Variants in MYO3A observed in about 807,000 individuals in gnomAD.
The protein encoded by MYO3A is myosin IIIA.
A neutral mutation model predicts 192.7 loss-of-function variants in MYO3A; 180 were observed. The ratio of observed to expected loss-of-function variants is 0.93; its 90% CI spans 0.83 to 1.06. The LOEUF (loss-of-function observed/expected upper bound fraction) is 1.06, where lower values mean the gene tolerates loss of function less well. MYO3A is among the 50% of genes least tolerant of loss of function. MYO3A has a pLI of 0.00. For missense variants in MYO3A, 1,896 were observed against 1,905.0 expected, an observed-to-expected ratio of 1.00 and a Z score of 0.09; for synonymous variants, 628 against 645.3, an observed-to-expected ratio of 0.97 and a Z score of 0.41.
chr10:25,947,626 C>T (rs1220253954), intron 2 of MYO3A, among the ~76,000 whole-genome samples: 1 of 152,080 alleles, frequency 6.6e-6, no homozygotes, highest in East Asian at 1.9e-4. Context: ...CTCCCGACCT[C>T]AGGTGATCCA....
Position 26,096,370 on chromosome 10 carries a change from T to A in MYO3A, c.1563-11T>A, listed in dbSNP as rs201464088. The A allele has an allele frequency of 6.4e-7, 1 of 1,559,914 alleles. No homozygotes were observed. The highest frequency in any genetic ancestry group is 1.4e-5 in the African/African-American group (1 of 73,796). On this transcript the variant is annotated splice_polypyrimidine_tract_variant and intron_variant, in intron 15 of 34. Coordinates refer to ENST00000642920, the MANE Select transcript of MYO3A (RefSeq NM_017433.5). ...TACTAACTACCTTACTGTAAATATC[T>A]TTTTTTCCAGTGGAGAAAAAAATTT... is the stretch of plus-strand genomic sequence containing the variant.
intron 31 of MYO3A, among the ~76,000 whole-genome samples, chr10:26,179,158 G>A (rs1273008007): frequency 7.5e-6 from 1 of 133,558 alleles, no homozygotes; most frequent in Non-Finnish European, 1.5e-5. Flanking sequence ...GAGTGCAATG[G>A]CGCGATCTCA....
intron 17 of MYO3A, among the ~76,000 whole-genome samples, chr10:26,097,042 AC>A (rs1564544775): frequency 6.6e-6 from 1 of 151,886 alleles, no homozygotes; most frequent in Non-Finnish European, 1.5e-5. Flanking sequence ...TAATTTCCAT[AC>A]AATATAATTC....
At chr10:26,054,787 C>T (rs1261561232) in intron 10 of MYO3A, among the ~76,000 whole-genome samples, 1 of 152,192 alleles carries the variant, frequency 6.6e-6, no homozygotes, top group Non-Finnish European at 1.5e-5. Context: ...CTGGAAAAGG[C>T]AAAGCAATGA....
intron 4 of MYO3A, among the ~76,000 whole-genome samples, chr10:25,979,859 C>T (rs1839208089): frequency 1.3e-5 from 2 of 152,174 alleles, no homozygotes; most frequent in Admixed American, 1.3e-4. Context: ...AGCAGTTTCA[C>T]AGCCTTGACA....
At chr10:26,111,880 G>A (rs1171278696) in intron 17 of MYO3A, among the ~76,000 whole-genome samples, 1 of 152,146 alleles carries the variant, frequency 6.6e-6, no homozygotes, top group Non-Finnish European at 1.5e-5. Flanking sequence ...TTGTGACCAG[G>A]GGCTGGGCCT....
At chr10:26,112,737 T>C (rs377531139) in intron 17 of MYO3A, among the ~76,000 whole-genome samples, 2 of 152,240 alleles carry the variant, frequency 1.3e-5, no homozygotes, top group African/African-American at 4.8e-5. Context: ...TCCAAAGGAA[T>C]GACAGGCAAA....
Position 26,075,787 on chromosome 10 carries a change from A to G in MYO3A, c.1359+5386A>G, listed in dbSNP as rs12768449. ...TCTCTCTCATATATATATGATATAT[A>G]TGTCTCTCTCATATATATGATATAT... On this transcript the variant is annotated intron_variant, in intron 14 of 34. Coordinates refer to ENST00000642920, the MANE Select transcript of MYO3A (RefSeq NM_017433.5). Among the ~76,000 whole-genome samples the G allele has an allele frequency of 7.5e-5, 11 of 147,180 alleles. No individual in the cohort carries two copies. In the South Asian group the frequency reaches 1.1e-3, roughly 14 times the overall value.
chr10:26,000,912 C>G (rs756064162), intron 6 of MYO3A, among the ~76,000 whole-genome samples: 1 of 152,146 alleles, frequency 6.6e-6, no homozygotes, highest in African/African-American at 2.4e-5. Flanking sequence ...AGGAAACTTA[C>G]AATCATGGCA....
intron 17 of MYO3A, among the ~76,000 whole-genome samples, chr10:26,108,275 T>A (rs1837953652): frequency 6.6e-6 from 1 of 152,234 alleles, no homozygotes; most frequent in African/African-American, 2.4e-5. Context: ...TTGTTGAATT[T>A]TGATTTCATT....
intron 2 of MYO3A, among the ~76,000 whole-genome samples, chr10:25,939,608 G>T (rs1333495893): frequency 1.3e-5 from 2 of 149,688 alleles, no homozygotes; most frequent in Non-Finnish European, 3.0e-5. Context: ...TTGTATAGTT[G>T]TTTTTTTTTA....
rs189565258 is a variant in MYO3A at position 26,051,262 on chromosome 10, G to A, written c.954-15713G>A. Among the ~76,000 whole-genome samples the A allele has an allele frequency of 3.3e-3, 505 of 152,122 alleles. 4 individuals carry two copies. Among genetic ancestry groups the A allele is most frequent in the South Asian group, 7.5e-3 (36 of 4,820 alleles). ...TACATGAAGGATGGTGGTCAGAAAA[G>A]CTTATAATGCCAGAAGCCACTAAAA... On this transcript the variant is annotated intron_variant, in intron 10 of 34. Coordinates refer to ENST00000642920, the MANE Select transcript of MYO3A (RefSeq NM_017433.5).
chr10:25,965,977 CTCTT>C (rs1246922886), intron 4 of MYO3A, among the ~76,000 whole-genome samples: 1 of 151,108 alleles, frequency 6.6e-6, no homozygotes, highest in East Asian at 1.9e-4. Context: ...CTCTCTCTCT[CTCTT>C]CAGTGCCTCC....
At chr10:26,053,564 C>G (rs1047503952) in intron 10 of MYO3A, among the ~76,000 whole-genome samples, 1 of 152,048 alleles carries the variant, frequency 6.6e-6, no homozygotes, top group Non-Finnish European at 1.5e-5. Flanking sequence ...GGTGGCTCAC[C>G]CCTGTAATCC....
intron 31 of MYO3A, among the ~76,000 whole-genome samples, chr10:26,186,001 A>G (rs372854775): frequency 3.3e-5 from 5 of 152,222 alleles, no homozygotes; most frequent in African/African-American, 1.2e-4. Flanking sequence ...CAATAATTAC[A>G]TAACCTTTTC....
intron 34 of MYO3A, among the ~76,000 whole-genome samples, chr10:26,203,855 A>G (rs1456066839): frequency 1.3e-5 from 2 of 152,216 alleles, no homozygotes; most frequent in African/African-American, 4.8e-5. Context: ...GAAGTTTTAG[A>G]GTCACATGGT....
chr10:26,019,281 C>T (rs547974932), intron 7 of MYO3A, among the ~76,000 whole-genome samples: 4 of 151,298 alleles, frequency 2.6e-5, no homozygotes, highest in East Asian at 3.9e-4. Flanking sequence ...TTTCCTGAGA[C>T]GGAGTCTCGC....
intron 15 of MYO3A, among the ~76,000 whole-genome samples, chr10:26,094,289 G>A (rs1836872745): frequency 6.6e-6 from 1 of 152,030 alleles, no homozygotes; most frequent in Non-Finnish European, 1.5e-5. Context: ...ATCAAAACTA[G>A]AGATTATAAA....
chr10:25,992,005 T>A (rs551777404), intron 4 of MYO3A, among the ~76,000 whole-genome samples: 1 of 152,212 alleles, frequency 6.6e-6, no homozygotes, highest in African/African-American at 2.4e-5. Context: ...GGGCTCTTTT[T>A]TGGTTCCATA....
Sources: allele counts gnomAD v4.1 joint callset (sites outside exome capture counted in the v4.1 genomes callset), GRCh38; gene constraint gnomAD v4.1.1; transcripts MANE v1.5; gene names NCBI Gene and HGNC (gene_info 2026-07-23, HGNC 2026-07-21).